PGP: variants seen among roughly 807,000 people sequenced by gnomAD.
PGP encodes the protein aspartate-based ubiquitous Mg(2+)-dependent phosphatase.
PGP carries 9 observed loss-of-function variants against 19.3 expected under a neutral mutation model. The ratio of observed to expected loss-of-function variants is 0.47; its 90% confidence interval spans 0.28 to 0.81. The LOEUF is 0.81. PGP is among the 40% of genes least tolerant of loss of function. The pLI is 0.11. For missense variants in PGP, 403 were observed against 479.9 expected (o/e 0.84, Z 1.50); for synonymous variants, 308 against 226.8 (o/e 1.36, Z -3.22).
chr16:2,212,566 C>T lies in PGP; in HGVS notation c.*1162G>A. ...ACTGAAGAGGGAATCCAGGGCAAGG[C>T]AGGTGACCTCCTGGGCCACCAGTCT... On this transcript the variant is annotated 3_prime_UTR_variant, in exon 2 of 2. Coordinates refer to ENST00000333503, the MANE Select transcript of PGP (RefSeq NM_001042371.3). 3.0e-6 allele frequency: 3 copies of T among 985,510 alleles called. No homozygotes were observed. The highest frequency in any genetic ancestry group is 2.4e-6 in the Non-Finnish European group (2 of 829,946). The allele number at this position is 985,510 out of a possible 1,614,324, so 61.0% of individuals were successfully genotyped here.
In PGP at chr16:2,212,740, C is replaced by T. The variant is rs967884064; in HGVS notation, c.*988G>A. 1.2e-5 allele frequency: 12 copies of T among 985,306 alleles called. No individual in the cohort carries two copies. Among genetic ancestry groups the T allele is most frequent in the Admixed American group, 6.1e-5 (1 of 16,266 alleles). 61.0% of individuals were successfully genotyped at this position (985,306 alleles called of 1,614,324 possible). On this transcript the variant is annotated 3_prime_UTR_variant, in exon 2 of 2. Transcript: ENST00000333503. Reference sequence around the variant, plus strand: ...TTCCTTGGCCAACACATGCTTGAGCCGCGCTGCTGGCTGCAGGGCACCTGG... The same window carrying T: ...TTCCTTGGCCAACACATGCTTGAGCTGCGCTGCTGGCTGCAGGGCACCTGG...
Position 2,212,608 on chromosome 16 carries a change from C to T in PGP, c.*1120G>A, listed in dbSNP as rs188069612. ...CACCAGTCTCTAACCCCTACCCCAG[C>T]CTAGGGAAGGGGAGGACAGGAAGAG... On this transcript the variant is annotated 3_prime_UTR_variant, in exon 2 of 2. Transcript: ENST00000333503. 9 of 985,372 alleles carry T rather than the reference C, an allele frequency of 9.1e-6. No individual in the cohort carries two copies. The highest frequency in any genetic ancestry group is 1.1e-5 in the Non-Finnish European group (9 of 829,954). 61.0% of individuals were successfully genotyped at this position (985,372 alleles called of 1,614,324 possible).
chr16:2,214,431 G>T lies in PGP; in HGVS notation c.347C>A (p.Ala116Asp), dbSNP rs764659684. 10 of 1,329,944 alleles carry T rather than the reference G, an allele frequency of 7.5e-6. No individual in the cohort carries two copies. Among genetic ancestry groups the T allele is most frequent in the Non-Finnish European group, 8.6e-6 (9 of 1,049,294 alleles). The allele number at this position is 1,329,944 out of a possible 1,614,324, so 82.4% of individuals were successfully genotyped here. A position where few individuals can be genotyped will look rare whatever the true frequency, so the allele number is the denominator to read the frequency against. Residue 116 changes from alanine to aspartate, a missense_variant, in exon 1 of 2, where the codon GCC (alanine) becomes GAC (aspartate). Transcript: ENST00000333503. This position sits in a 1 kb window ranked among gnomAD's most constrained non-coding sequence, Gnocchi z 7.1. ...ALYLRQRLAG[A>D]PAPKAYVLGS... is the part of the protein sequence containing the mutation. Reference sequence around the variant, plus strand: ...CAGCACGTAGGCCTTGGGCGCGGGGGCGCCGGCCAGGCGCTGGCGCAGGTA... The same window carrying T: ...CAGCACGTAGGCCTTGGGCGCGGGGTCGCCGGCCAGGCGCTGGCGCAGGTA...
Position 2,214,173 on chromosome 16 carries a change from T to A in PGP, c.605A>T (p.Asn202Ile). ...GCGGCCGTTCTCAAGCGGAAGCCGG[T>A]TGTCCATGTTGGTGCCCACGAGCAG... is the stretch of plus-strand genomic sequence containing the variant. ...GCLLVGTNMD[N>I]RLPLENGRFI... Residue 202 changes from asparagine (N) to isoleucine (I), a missense_variant, in exon 1 of 2, where the codon AAC becomes ATC. Asn to Ile is a moderately radical substitution (Grantham distance 149). Coordinates refer to ENST00000333503, the MANE Select transcript of PGP (RefSeq NM_001042371.3). The surrounding 1 kb of genome is among the most constrained non-coding windows in gnomAD (Gnocchi z 7.1). 1 of 1,564,418 alleles carries A rather than the reference T, an allele frequency of 6.4e-7. No homozygotes were observed. Among genetic ancestry groups the A allele is most frequent in the Non-Finnish European group, 8.6e-7 (1 of 1,164,092 alleles).
At position 2,211,972 on chromosome 16, in the gene PGP, G is replaced by A; in HGVS notation, c.*1756C>T. 1.0e-6 allele frequency: 1 copy of A among 985,572 alleles called. No individual in the cohort carries two copies. Among genetic ancestry groups the A allele is most frequent in the Non-Finnish European group, 1.2e-6 (1 of 829,982 alleles). 61.1% of individuals were successfully genotyped at this position (985,572 alleles called of 1,614,324 possible). On this transcript the variant is annotated 3_prime_UTR_variant, in exon 2 of 2. Coordinates refer to ENST00000333503, the MANE Select transcript of PGP (RefSeq NM_001042371.3). ...GGCATCACCCGGGCCAATGCAAGGT[G>A]AGAGCAAGGACACCTGAGCCAGTGT... is the stretch of plus-strand genomic sequence containing the variant.
Position 2,213,629 on chromosome 16 carries a change from G to T in PGP, c.*99C>A. On this transcript the variant is annotated 3_prime_UTR_variant, in exon 2 of 2. Coordinates refer to ENST00000333503, the MANE Select transcript of PGP (RefSeq NM_001042371.3). The stretch of plus-strand genomic sequence containing the variant: ...CTTAACTCCAATTACACTCTTTGAA[G>T]CCACTTAGCCGAGCAGATGCTTAAG... 8.4e-7 allele frequency: 1 copy of T among 1,184,162 alleles called. No homozygotes were observed. The highest frequency in any genetic ancestry group is 1.2e-6 in the Non-Finnish European group (1 of 868,496). 73.4% of individuals were successfully genotyped at this position (1,184,162 alleles called of 1,614,324 possible).
Position 2,214,249 on chromosome 16 carries a change from T to A in PGP, c.529A>T (p.Ser177Cys). The change falls in exon 1 of 2, where the codon AGC becomes TGC. Residue 177 changes from serine (S) to cysteine (C), a missense_variant. Coordinates refer to ENST00000333503, the MANE Select transcript of PGP (RefSeq NM_001042371.3). The surrounding 1 kb of genome is among the most constrained non-coding windows in gnomAD (Gnocchi z 7.1). Reference protein sequence around the residue: ...AVVVGFDPHFSYMKLTKALRY... With the variant: ...AVVVGFDPHFCYMKLTKALRY... ...AGGGCCTTGGTGAGCTTCATGTAGC[T>A]GAAGTGCGGGTCAAAGCCCACCACC... The A allele has an allele frequency of 6.3e-7, 1 of 1,590,570 alleles. No homozygotes were observed. Among genetic ancestry groups the A allele is most frequent in the Non-Finnish European group, 8.5e-7 (1 of 1,176,738 alleles).
In PGP at chr16:2,212,701, A is replaced by C; in HGVS notation, c.*1027T>G. The C allele has an allele frequency of 1.0e-6, 1 of 985,480 alleles. No homozygotes were observed. Among genetic ancestry groups the C allele is most frequent in the Non-Finnish European group, 1.2e-6 (1 of 829,944 alleles). 61.0% of individuals were successfully genotyped at this position (985,480 alleles called of 1,614,324 possible). A position where few individuals can be genotyped will look rare whatever the true frequency, so the allele number is the denominator to read the frequency against. ...CTCTCGTCCCCTCCCAGAGCCCTGGATGACTGACAGGCATTCCTTGGCCAA... is the reference window on the plus strand; with the variant it reads ...CTCTCGTCCCCTCCCAGAGCCCTGGCTGACTGACAGGCATTCCTTGGCCAA... On this transcript the variant is annotated 3_prime_UTR_variant, in exon 2 of 2. Coordinates refer to ENST00000333503, the MANE Select transcript of PGP (RefSeq NM_001042371.3).
At position 2,214,559 on chromosome 16, in the gene PGP, G is replaced by A; in HGVS notation, c.219C>T (p.Thr73=). ...LGFITNNSSK[T]RAAYAEKLRR... ...GCAGCTTCTCGGCGTAGGCAGCGCG[G>A]GTCTTGCTGCTGTTGTTGGTGATGA... is the stretch of plus-strand genomic sequence containing the variant. The change falls in exon 1 of 2, where the codon ACC becomes ACT. Residue 73 remains threonine (T), a synonymous_variant. Coordinates refer to ENST00000333503, the MANE Select transcript of PGP (RefSeq NM_001042371.3). The surrounding 1 kb of genome is among the most constrained non-coding windows in gnomAD (Gnocchi z 7.1). 6.8e-7 allele frequency: 1 copy of A among 1,466,744 alleles called. No individual in the cohort carries two copies. The highest frequency in any genetic ancestry group is 9.0e-7 in the Non-Finnish European group (1 of 1,112,686). 90.9% of individuals were successfully genotyped at this position (1,466,744 alleles called of 1,614,324 possible). A position where few individuals can be genotyped will look rare whatever the true frequency, so the allele number is the denominator to read the frequency against.
Position 2,211,835 on chromosome 16 carries a change from C to T in PGP, c.*1893G>A, listed in dbSNP as rs924490209. On this transcript the variant is annotated 3_prime_UTR_variant, in exon 2 of 2. Coordinates refer to ENST00000333503, the MANE Select transcript of PGP (RefSeq NM_001042371.3). ...CCTTTGTGCCTGGCTTTCCCTCATT[C>T]TTCAAAACATCTTCCTCTGAACCAG... 2 of 985,578 alleles carry T rather than the reference C, an allele frequency of 2.0e-6. No individual in the cohort carries two copies. Among genetic ancestry groups the T allele is most frequent in the Non-Finnish European group, 2.4e-6 (2 of 830,012 alleles). 61.1% of individuals were successfully genotyped at this position (985,578 alleles called of 1,614,324 possible). A position where few individuals can be genotyped will look rare whatever the true frequency, so the allele number is the denominator to read the frequency against.
At position 2,214,808 on chromosome 16, in the gene PGP, C is replaced by T. The variant is rs1567288584; in HGVS notation, c.-31G>A. 1.3e-5 allele frequency: 11 copies of T among 827,534 alleles called. No homozygotes were observed. The highest frequency in any genetic ancestry group is 1.6e-5 in the Non-Finnish European group (11 of 687,742). The allele number at this position is 827,534 out of a possible 1,614,324, so 51.3% of individuals were successfully genotyped here. On this transcript the variant is annotated 5_prime_UTR_variant, in exon 1 of 2. Coordinates refer to ENST00000333503, the MANE Select transcript of PGP (RefSeq NM_001042371.3). This position sits in a 1 kb window ranked among gnomAD's most constrained non-coding sequence, Gnocchi z 7.1. ...CCCGCCGGCCGCCGCCGCCCGCCGG[C>T]CGCTCCTCGCAGCCGCCCGCCGCGG...
In PGP at chr16:2,214,781, C is replaced by A. The variant is rs1028096099; in HGVS notation, c.-4G>T. ...CACCGGCCTCCGCCGCCGCCATCGC[C>A]GCCCGCCGGCCGCCGCCGCCCGCCG... On this transcript the variant is annotated 5_prime_UTR_variant, in exon 1 of 2. Coordinates refer to ENST00000333503, the MANE Select transcript of PGP (RefSeq NM_001042371.3). This position sits in a 1 kb window ranked among gnomAD's most constrained non-coding sequence, Gnocchi z 7.1. 3 of 982,254 alleles carry A rather than the reference C, an allele frequency of 3.1e-6. No individual in the cohort carries two copies. The African/African-American group carries it at 5.3e-5, about 17-fold the overall frequency. 60.8% of individuals were successfully genotyped at this position (982,254 alleles called of 1,614,324 possible).
At position 2,213,447 on chromosome 16, in the gene PGP, G is replaced by C; in HGVS notation, c.*281C>G. On this transcript the variant is annotated 3_prime_UTR_variant, in exon 2 of 2. Coordinates refer to ENST00000333503, the MANE Select transcript of PGP (RefSeq NM_001042371.3). The stretch of plus-strand genomic sequence containing the variant: ...GGCAGGCCCTGGTTACCTGAATCCC[G>C]GACAGGTGCAGAGCCTGCCCCTGCC... The C allele has an allele frequency of 3.6e-6, 3 of 841,830 alleles. No individual in the cohort carries two copies. The highest frequency in any genetic ancestry group is 5.4e-5 in the East Asian group (1 of 18,690). 52.1% of individuals were successfully genotyped at this position (841,830 alleles called of 1,614,324 possible).
Position 2,214,764 on chromosome 16 carries a change from T to A in PGP, c.14A>T (p.Glu5Val). 1 of 1,126,832 alleles carries A rather than the reference T, an allele frequency of 8.9e-7. No individual in the cohort carries two copies. The highest frequency in any genetic ancestry group is 1.1e-6 in the Non-Finnish European group (1 of 918,714). 69.8% of individuals were successfully genotyped at this position (1,126,832 alleles called of 1,614,324 possible). A position where few individuals can be genotyped will look rare whatever the true frequency, so the allele number is the denominator to read the frequency against. Residue 5 changes from glutamate (E) to valine (V), a missense_variant, in exon 1 of 2, where the codon GAG (glutamate) becomes GTG (valine). Glu to Val is a moderately radical substitution (Grantham distance 121). Coordinates refer to ENST00000333503, the MANE Select transcript of PGP (RefSeq NM_001042371.3). The surrounding 1 kb of genome is among the most constrained non-coding windows in gnomAD (Gnocchi z 7.1). Reference sequence around the variant, plus strand: ...GCAGCGGGCGTCGTCGCCACCGGCCTCCGCCGCCGCCATCGCCGCCCGCCG... The same window carrying A: ...GCAGCGGGCGTCGTCGCCACCGGCCACCGCCGCCGCCATCGCCGCCCGCCG... MAAA[E>V]AGGDDARCVR...
At position 2,214,837 on chromosome 16, in the gene PGP, C is replaced by T; in HGVS notation, c.-60G>A. ...TCCTCGCAGCCGCCCGCCGCGGCGC[C>T]CTCCCCGCCCCCGGGGCGCTCATTG... On this transcript the variant is annotated 5_prime_UTR_variant, in exon 1 of 2. Coordinates refer to ENST00000333503, the MANE Select transcript of PGP (RefSeq NM_001042371.3). This position sits in a 1 kb window ranked among gnomAD's most constrained non-coding sequence, Gnocchi z 7.1. The T allele has an allele frequency of 1.8e-6, 1 of 560,850 alleles. No individual in the cohort carries two copies. The highest frequency in any genetic ancestry group is 2.3e-6 in the Non-Finnish European group (1 of 443,190). The allele number at this position is 560,850 out of a possible 1,614,324, so 34.7% of individuals were successfully genotyped here.
In PGP at chr16:2,213,232, C is replaced by G. The variant is rs1432208932; in HGVS notation, c.*496G>C. ...GAGCAGCCGCCTCCTCCACTCCCAC[C>G]CTGCTGGGAGGCACAGGGACACAGA... On this transcript the variant is annotated 3_prime_UTR_variant, in exon 2 of 2. Coordinates refer to ENST00000333503, the MANE Select transcript of PGP (RefSeq NM_001042371.3). 2 of 985,716 alleles carry G rather than the reference C, an allele frequency of 2.0e-6. No individual in the cohort carries two copies. Among genetic ancestry groups the G allele is most frequent in the Non-Finnish European group, 2.4e-6 (2 of 830,118 alleles). The allele number at this position is 985,716 out of a possible 1,614,324, so 61.1% of individuals were successfully genotyped here. A position where few individuals can be genotyped will look rare whatever the true frequency, so the allele number is the denominator to read the frequency against.
At position 2,214,057 on chromosome 16, in the gene PGP, C is replaced by A; in HGVS notation, c.641-4G>T. 6.3e-7 allele frequency: 1 copy of A among 1,597,842 alleles called. No homozygotes were observed. Among genetic ancestry groups the A allele is most frequent in the South Asian group, 1.1e-5 (1 of 89,432 alleles). ...GCTCGGACCAGACACCCGGTACCTG[C>A]GGGGCACAGGGGACCGGGTCAAAGG... On this transcript the variant is annotated splice_region_variant and splice_polypyrimidine_tract_variant and intron_variant, in intron 1 of 1. Transcript: ENST00000333503. This position sits in a 1 kb window ranked among gnomAD's most constrained non-coding sequence, Gnocchi z 7.1.
Position 2,214,321 on chromosome 16 carries a change from G to A in PGP, c.457C>T (p.Pro153Ser). Residue 153 changes from proline (P) to serine (S), a missense_variant, in exon 1 of 2, where the codon CCC becomes TCC. Physicochemically the swap from Pro to Ser is moderately conservative, Grantham distance 74 (BLOSUM62 -1). Transcript: ENST00000333503. This position sits in a 1 kb window ranked among gnomAD's most constrained non-coding sequence, Gnocchi z 7.1. The stretch of plus-strand genomic sequence containing the variant: ...AGCGGCGCGTGCAGCCAGTCGCCGG[G>A]ACCCTCGCCCTGCAGTGGCTCGGGC... ...VGPEPLQGEG[P>S]GDWLHAPLEP... The A allele has an allele frequency of 6.5e-7, 1 of 1,540,190 alleles. No individual in the cohort carries two copies. The highest frequency in any genetic ancestry group is 8.7e-7 in the Non-Finnish European group (1 of 1,149,992).
rs2093379361 is a variant in PGP at position 2,213,061 on chromosome 16, GT to G, written c.*666del. The G allele has an allele frequency of 1.0e-6, 1 of 985,366 alleles. No homozygotes were observed. The highest frequency in any genetic ancestry group is 1.7e-5 in the African/African-American group (1 of 57,252). The allele number at this position is 985,366 out of a possible 1,614,324, so 61.0% of individuals were successfully genotyped here. A position where few individuals can be genotyped will look rare whatever the true frequency, so the allele number is the denominator to read the frequency against. ...GACAGCAGAGCTTTAGCTGGGCTGCGTTTACAGAACTGGGCAGCAGCCCTGG... is the reference window on the plus strand; with the variant it reads ...GACAGCAGAGCTTTAGCTGGGCTGCGTTACAGAACTGGGCAGCAGCCCTGG... On this transcript the variant is annotated 3_prime_UTR_variant, in exon 2 of 2. Coordinates refer to ENST00000333503, the MANE Select transcript of PGP (RefSeq NM_001042371.3).
Sources: allele counts gnomAD v4.1 joint callset, GRCh38; gene constraint gnomAD v4.1.1; non-coding constraint Gnocchi (gnomAD v3.1); transcripts MANE v1.5; gene names NCBI Gene and HGNC (gene_info 2026-07-23, HGNC 2026-07-21).